Variants in LDLRAD4 observed in about 807,000 individuals in gnomAD.
LDLRAD4 encodes low density lipoprotein receptor class A domain containing 4, also known as low-density lipoprotein receptor class A domain-containing protein 4.
LDLRAD4 carries 5 observed loss-of-function variants against 17.0 expected under a neutral mutation model. The ratio of observed to expected loss-of-function variants is 0.29; its 90% CI spans 0.15 to 0.62. The LOEUF is 0.62. Among genes scored for constraint, LDLRAD4 ranks in the 20% least tolerant of loss-of-function variants. The pLI is 0.84. For missense variants in LDLRAD4, 340 were observed against 424.7 expected, an observed-to-expected ratio of 0.80 and a Z score of 1.75; for synonymous variants, 168 against 171.8, an observed-to-expected ratio of 0.98 and a Z score of 0.17.
At chr18:13,233,917 C>T (rs1452202036) in intron 1 of LDLRAD4, among the ~76,000 whole-genome samples, 1 of 152,168 alleles carries the variant, frequency 6.6e-6, no homozygotes, top group East Asian at 1.9e-4. Flanking sequence ...AGCCCTGTCA[C>T]TCCCTCACTG....
intron 1 of LDLRAD4, among the ~76,000 whole-genome samples, chr18:13,343,469 ATCCAG>A (rs2082497023): frequency 6.6e-6 from 1 of 151,724 alleles, no homozygotes; most frequent in Non-Finnish European, 1.5e-5. Flanking sequence ...CATTTTCTTA[ATCCAG>A]TCTATTGTTG....
chr18:13,568,327 G>T (rs1038004189), intron 3 of LDLRAD4, among the ~76,000 whole-genome samples: 3 of 151,794 alleles, frequency 2.0e-5, no homozygotes, highest in Admixed American at 2.0e-4. Flanking sequence ...CAAGTTTGCA[G>T]AAGGCAGCAT....
intron 1 of LDLRAD4, among the ~76,000 whole-genome samples, chr18:13,358,254 A>G (rs1046876649): frequency 6.6e-6 from 1 of 152,042 alleles, no homozygotes; most frequent in Admixed American, 6.6e-5. Flanking sequence ...CCAGGGATGT[A>G]TGTGTGTGTG....
chr18:13,347,288 A>G (rs1318378115), intron 1 of LDLRAD4, among the ~76,000 whole-genome samples: 1 of 152,118 alleles, frequency 6.6e-6, no homozygotes, highest in East Asian at 1.9e-4. Flanking sequence ...ATCTCTCAGC[A>G]TTTGCTTGTC....
At chr18:13,495,396 A>T (rs191238650) in intron 3 of LDLRAD4, among the ~76,000 whole-genome samples, 3 of 152,314 alleles carry the variant, frequency 2.0e-5, no homozygotes, top group Admixed American at 1.3e-4. Flanking sequence ...TTGTAAATGT[A>T]TCTCGTCTGT....
chr18:13,322,646 A>G (rs1299269713), intron 1 of LDLRAD4, among the ~76,000 whole-genome samples: 1 of 122,628 alleles, frequency 8.2e-6, no homozygotes, highest in Non-Finnish European at 1.8e-5. Context: ...GAGACGGAGT[A>G]TCGCTCTGTC....
At chr18:13,633,189 G>A (rs1328532277) in intron 4 of LDLRAD4, among the ~76,000 whole-genome samples, 1 of 152,262 alleles carries the variant, frequency 6.6e-6, no homozygotes, top group African/African-American at 2.4e-5. Context: ...TCCGATGTCT[G>A]TTCAAGTCAA....
At chr18:13,388,328 G>A (rs1459845924) in intron 2 of LDLRAD4, among the ~76,000 whole-genome samples, 1 of 152,148 alleles carries the variant, frequency 6.6e-6, no homozygotes, top group African/African-American at 2.4e-5. Context: ...CAGAGCCCTC[G>A]CCCAAGACAC....
At chr18:13,583,930 T>C (rs1429063970) in intron 3 of LDLRAD4, among the ~76,000 whole-genome samples, 1 of 152,042 alleles carries the variant, frequency 6.6e-6, no homozygotes, top group African/African-American at 2.4e-5. Context: ...CTCGCCCTGC[T>C]CCCCCAGCTG....
At chr18:13,641,660 G>C in intron 4 of LDLRAD4, 2 of 686,694 alleles carry the variant, frequency 2.9e-6, no homozygotes, top group Non-Finnish European at 3.6e-6. Flanking sequence ...GCCCAGAGGA[G>C]CAGCAGGCGC....
intron 2 of LDLRAD4, among the ~76,000 whole-genome samples, chr18:13,404,704 A>G (rs909076188): frequency 1.3e-5 from 2 of 151,948 alleles, no homozygotes; most frequent in African/African-American, 4.8e-5. Flanking sequence ...AGGCTGAGGC[A>G]GGAGAATGGC....
intron 3 of LDLRAD4, among the ~76,000 whole-genome samples, chr18:13,541,118 G>T (rs1162011494): frequency 1.3e-5 from 2 of 152,172 alleles, no homozygotes; most frequent in East Asian, 3.8e-4. Context: ...GCCCGACCCC[G>T]CAAGGCACTC....
intron 3 of LDLRAD4, chr18:13,543,623 A>G (rs2094317788): frequency 2.0e-5 from 3 of 152,268 alleles, no homozygotes. Context: ...TTTGTAGATT[A>G]TCTTTGTACC....
At chr18:13,582,177 C>CA (rs2094870035) in intron 3 of LDLRAD4, among the ~76,000 whole-genome samples, 1 of 152,114 alleles carries the variant, frequency 6.6e-6, no homozygotes. Flanking sequence ...AGGGAAAAAA[C>CA]AAAAAAACCT....
chr18:13,490,313 GA>G (rs1463710341), intron 3 of LDLRAD4: 4 of 152,216 alleles, frequency 2.6e-5, no homozygotes, highest in African/African-American at 7.2e-5. Flanking sequence ...ATGCTCAAAG[GA>G]AATGTCCATT....
chr18:13,293,756 G>A (rs779729018), intron 1 of LDLRAD4, among the ~76,000 whole-genome samples: 13 of 152,196 alleles, frequency 8.5e-5, no homozygotes, highest in Non-Finnish European at 1.2e-4. Context: ...TTTTCAGGTG[G>A]CAGTTTTATC....
chr18:13,549,481 C>T (rs952423407), intron 3 of LDLRAD4, among the ~76,000 whole-genome samples: 5 of 152,008 alleles, frequency 3.3e-5, no homozygotes, highest in Non-Finnish European at 4.4e-5. Flanking sequence ...GAAGACCAGA[C>T]GGTTCTGTTC....
At chr18:13,528,274 C>T (rs1053271326) in intron 3 of LDLRAD4, among the ~76,000 whole-genome samples, 4 of 152,332 alleles carry the variant, frequency 2.6e-5, no homozygotes, top group Admixed American at 6.5e-5. Flanking sequence ...GCCTTACCTG[C>T]GTTACCCTGT....
At chr18:13,414,258 T>C (rs1199844610) in intron 2 of LDLRAD4, among the ~76,000 whole-genome samples, 2 of 152,228 alleles carry the variant, frequency 1.3e-5, no homozygotes, top group Non-Finnish European at 2.9e-5. Flanking sequence ...ATCCCCACCA[T>C]TGCTTGGCTT....
Sources: gnomAD v4.1 joint callset for allele counts (sites outside exome capture counted in the v4.1 genomes callset) on GRCh38, gnomAD v4.1.1 for gene constraint, MANE v1.5 for transcripts, NCBI Gene and HGNC (gene_info 2026-07-23, HGNC 2026-07-21) for gene names.